HOMER2: variants seen among roughly 807,000 people sequenced by gnomAD.
HOMER2 encodes the protein homer protein homolog 2.
In HOMER2, 27 loss-of-function variants were observed where a neutral mutation model predicts 47.0. That is an observed-to-expected ratio of 0.57 (90% CI 0.42 to 0.79). The LOEUF (loss-of-function observed/expected upper bound fraction) is 0.79. HOMER2 is among the 30% of genes least tolerant of loss of function. The pLI, the probability that HOMER2 is intolerant of heterozygous loss-of-function variation, is 0.00. For synonymous variants in HOMER2, 161 were observed against 163.8 expected (o/e 0.98, Z 0.13); for missense variants, 443 against 435.0 (o/e 1.02, Z -0.16).
chr15:82,945,399 T>C (rs907401830), intron 1 of HOMER2, among the ~76,000 whole-genome samples: 3 of 152,174 alleles, frequency 2.0e-5, no homozygotes, highest in African/African-American at 7.2e-5. Flanking sequence ...TTGGAAAAAT[T>C]ATGTTACAAG....
chr15:82,910,904 C>T (rs7167631), intron 1 of HOMER2, among the ~76,000 whole-genome samples: 28 of 149,194 alleles, frequency 1.9e-4, no homozygotes, highest in African/African-American at 6.5e-4. Flanking sequence ...CTCCACACAA[C>T]TTTTCCGTTT....
intron 1 of HOMER2, among the ~76,000 whole-genome samples, chr15:82,914,109 G>C (rs1030396582): frequency 6.6e-6 from 1 of 151,650 alleles, no homozygotes; most frequent in Admixed American, 6.6e-5. Context: ...GGCTGAGCCG[G>C]GCAGATCACG....
chr15:82,867,292 T>C (rs1398029668), intron 3 of HOMER2, among the ~76,000 whole-genome samples: 2 of 151,594 alleles, frequency 1.3e-5, no homozygotes, highest in Non-Finnish European at 2.9e-5. Context: ...TTTCTAAACT[T>C]GGAAGAAATT....
At chr15:82,854,522 G>A (rs932305653) in intron 6 of HOMER2, 122 bp downstream of exon 6, 4 of 980,258 alleles carry the variant, frequency 4.1e-6, no homozygotes, top group Non-Finnish European at 4.4e-6. Flanking sequence ...GAGGCAGCAA[G>A]TCTTCCTCTG....
chr15:82,897,210 C>T (rs572321760), intron 1 of HOMER2, among the ~76,000 whole-genome samples: 1 of 151,726 alleles, frequency 6.6e-6, no homozygotes, highest in East Asian at 1.9e-4. Flanking sequence ...GGATTACAGG[C>T]GCCTGCCACC....
At chr15:82,933,295 T>C (rs1434852318) in intron 1 of HOMER2, among the ~76,000 whole-genome samples, 1 of 152,084 alleles carries the variant, frequency 6.6e-6, no homozygotes, top group Non-Finnish European at 1.5e-5. Flanking sequence ...GGTGCAATCA[T>C]GGCTCACTGC....
chr15:82,950,852 T>C (rs922098773), intron 1 of HOMER2, among the ~76,000 whole-genome samples: 10 of 152,252 alleles, frequency 6.6e-5, no homozygotes, highest in African/African-American at 1.4e-4. Flanking sequence ...AACATTTTCA[T>C]TTCCACAGAA....
Position 82,849,552 on chromosome 15 carries a change from TTTCTA to T in HOMER2, c.*158_*162del. On this transcript the variant is annotated 3_prime_UTR_variant, in exon 9 of 9. Transcript: ENST00000450735. Reference sequence around the variant, plus strand: ...ACAAGGCCAGAGAAGCGAGAGGAGATTTCTATTCTGAAAAGGAGTGAGTGGACGGC... The same window carrying T: ...ACAAGGCCAGAGAAGCGAGAGGAGATTTCTGAAAAGGAGTGAGTGGACGGC... 1 of 617,318 alleles carries T rather than the reference TTTCTA, an allele frequency of 1.6e-6. No homozygotes were observed. The highest frequency in any genetic ancestry group is 2.8e-5 in the East Asian group (1 of 36,000). 38.2% of individuals were successfully genotyped at this position (617,318 alleles called of 1,614,324 possible).
At chr15:82,852,764 T>A (rs917211179) in intron 6 of HOMER2, 1 of 152,532 alleles carries the variant, frequency 6.6e-6, no homozygotes, top group Non-Finnish European at 1.5e-5. Context: ...AGCAATGACA[T>A]TTCGAATATT....
At chr15:82,861,517 T>A (rs1183736277) in intron 4 of HOMER2, among the ~76,000 whole-genome samples, 1 of 152,230 alleles carries the variant, frequency 6.6e-6, no homozygotes, top group African/African-American at 2.4e-5. Flanking sequence ...GATTTTTATT[T>A]CCTTCTTTAT....
chr15:82,875,262 G>A lies in HOMER2; in HGVS notation c.294+11C>T, dbSNP rs150589623. On this transcript the variant is annotated intron_variant, in intron 3 of 8. Transcript: ENST00000450735. ...GCGGGATTTACTGCACTGTGGATAGGACCAAGTTACCTTTGTCAGCTGCTG... is the reference window on the plus strand; with the variant it reads ...GCGGGATTTACTGCACTGTGGATAGAACCAAGTTACCTTTGTCAGCTGCTG... 6 of 1,612,804 alleles carry A rather than the reference G, an allele frequency of 3.7e-6. No homozygotes were observed. The highest frequency in any genetic ancestry group is 5.1e-6 in the Non-Finnish European group (6 of 1,179,710).
At chr15:82,943,012 G>A (rs1249780049) in intron 1 of HOMER2, among the ~76,000 whole-genome samples, 1 of 152,196 alleles carries the variant, frequency 6.6e-6, no homozygotes, top group African/African-American at 2.4e-5. Flanking sequence ...GATTAAGGAT[G>A]AGGGAATGGA....
chr15:82,835,623 G>A (rs1298859703), downstream of HOMER2: 1 of 152,422 alleles, frequency 6.6e-6, no homozygotes, highest in Non-Finnish European at 1.5e-5. Context: ...TCCAACTCCT[G>A]TGTATGAATG....
chr15:82,860,754 T>C (rs1275341860), intron 4 of HOMER2, among the ~76,000 whole-genome samples: 1 of 151,858 alleles, frequency 6.6e-6, no homozygotes, highest in Non-Finnish European at 1.5e-5. Flanking sequence ...CTGGCCAATA[T>C]GGTGAAACCC....
chr15:82,878,186 G>A (rs1264817648), intron 2 of HOMER2, among the ~76,000 whole-genome samples: 1 of 152,222 alleles, frequency 6.6e-6, no homozygotes, highest in Non-Finnish European at 1.5e-5. Context: ...TTGAAAGGCA[G>A]TGGAAAGAGG....
chr15:82,954,638 C>T (rs184196824), upstream of HOMER2, among the ~76,000 whole-genome samples: 14 of 151,750 alleles, frequency 9.2e-5, no homozygotes, highest in African/African-American at 3.1e-4. Flanking sequence ...ATATATTTTA[C>T]ACTACAACCT....
intron 1 of HOMER2, among the ~76,000 whole-genome samples, chr15:82,915,733 G>A (rs2053573661): frequency 6.6e-6 from 1 of 151,996 alleles, no homozygotes; most frequent in South Asian, 2.1e-4. Flanking sequence ...TCCACTTCTT[G>A]GAATCTATTC....
chr15:82,839,187 G>C (rs1385554226), exon 2 of HOMER2: 1 of 152,186 alleles, frequency 6.6e-6, no homozygotes, highest in Non-Finnish European at 1.5e-5. Flanking sequence ...ACATTCTCCT[G>C]CCTTCTCAGA....
chr15:82,963,795 G>A (rs571053151), intron 1 of HOMER2, among the ~76,000 whole-genome samples: 6 of 152,268 alleles, frequency 3.9e-5, no homozygotes, highest in Admixed American at 3.9e-4. Flanking sequence ...ACCACTGGCT[G>A]CTTTTACCAA....
Sources: allele counts gnomAD v4.1 joint callset (sites outside exome capture counted in the v4.1 genomes callset), GRCh38; gene constraint gnomAD v4.1.1; transcripts MANE v1.5; gene names NCBI Gene and HGNC (gene_info 2026-07-23, HGNC 2026-07-21).